The following MLLT3 variants were observed in gnomAD, a reference collection of about 807,000 sequenced individuals.
MLLT3 encodes protein AF-9.
MLLT3 carries 4 observed loss-of-function variants against 53.2 expected under a neutral mutation model. That is an observed-to-expected ratio of 0.08 (90% CI 0.04 to 0.17). The LOEUF is 0.17. MLLT3 is among the 10% of genes least tolerant of loss of function. MLLT3 has a pLI of 1.00. For missense variants in MLLT3, 569 were observed against 684.0 expected, an observed-to-expected ratio of 0.83 and a Z score of 1.87; for synonymous variants, 283 against 230.6, an observed-to-expected ratio of 1.23 and a Z score of -2.06.
chr9:20,510,623 A>G (rs1825511080), intron 2 of MLLT3, among the ~76,000 whole-genome samples: 1 of 151,876 alleles, frequency 6.6e-6, no homozygotes, highest in South Asian at 2.1e-4. Context: ...GAAAAAAAAA[A>G]AAAAAAAAAA....
chr9:20,390,241 G>C (rs1180807784), intron 5 of MLLT3, among the ~76,000 whole-genome samples: 1 of 152,120 alleles, frequency 6.6e-6, no homozygotes, highest in African/African-American at 2.4e-5. Context: ...TTTAAATAGA[G>C]ATCTTAAAAG....
chr9:20,429,168 GACCA>G (rs1823205335), intron 4 of MLLT3, among the ~76,000 whole-genome samples: 1 of 152,122 alleles, frequency 6.6e-6, no homozygotes, highest in Non-Finnish European at 1.5e-5. Context: ...AGAAGTTCAA[GACCA>G]GCCTGGGCAA....
intron 3 of MLLT3, among the ~76,000 whole-genome samples, chr9:20,450,193 T>G (rs1823805380): frequency 6.6e-6 from 1 of 152,194 alleles, no homozygotes; most frequent in African/African-American, 2.4e-5. Context: ...TACAGTCAAA[T>G]TTTCTCTAAG....
intron 2 of MLLT3, among the ~76,000 whole-genome samples, chr9:20,595,318 C>G (rs1291635): frequency 0.79 from 120,477 of 152,010 alleles, 47,929 homozygotes; most frequent in Middle Eastern, 0.89. Context: ...AGTGAATCGT[C>G]TTCATACATA....
chr9:20,358,904 C>A (rs1289393921), intron 8 of MLLT3, among the ~76,000 whole-genome samples: 1 of 151,918 alleles, frequency 6.6e-6, no homozygotes, highest in African/African-American at 2.4e-5. Context: ...TGCCTGTAAT[C>A]CCAGCACTTT....
intron 2 of MLLT3, among the ~76,000 whole-genome samples, chr9:20,513,877 T>A (rs143083293): frequency 1.2e-3 from 188 of 152,378 alleles, no homozygotes; most frequent in African/African-American, 4.4e-3. Flanking sequence ...GTAATTCACA[T>A]CTTGGTGCCT....
rs1824536763 is a variant in MLLT3 at position 20,476,969 on chromosome 9, C to G, written c.194-20183G>C. Among the ~76,000 whole-genome samples, 5 of 151,198 alleles carry G rather than the reference C, an allele frequency of 3.3e-5. No homozygotes were observed. In the South Asian group the frequency reaches 1.0e-3, roughly 31 times the overall value. On this transcript the variant is annotated intron_variant, in intron 2 of 10. Coordinates refer to ENST00000380338, the MANE Select transcript of MLLT3 (RefSeq NM_004529.4). ...AAGGCCAGGCTTTAAAACCTATGGTCTTTTGTTTTTTCCACCATGCTATAA... is the reference window on the plus strand; with the variant it reads ...AAGGCCAGGCTTTAAAACCTATGGTGTTTTGTTTTTTCCACCATGCTATAA...
chr9:20,579,804 G>C (rs2131172980), intron 2 of MLLT3, among the ~76,000 whole-genome samples: 1 of 152,264 alleles, frequency 6.6e-6, no homozygotes, highest in African/African-American at 2.4e-5. Flanking sequence ...ATAAAGGTGA[G>C]GCCTCCAGCC....
In MLLT3 at chr9:20,343,343, T is replaced by G. The variant is rs375436377; in HGVS notation, c.*3100A>C. The G allele has an allele frequency of 9.5e-6, 2 of 209,774 alleles. No homozygotes were observed. Among genetic ancestry groups the G allele is most frequent in the Admixed American group, 5.9e-5 (1 of 16,948 alleles). The allele number at this position is 209,774 out of a possible 1,614,324, so 13.0% of individuals were successfully genotyped here. On this transcript the variant is annotated 3_prime_UTR_variant, in exon 11 of 11. Transcript: ENST00000380338. ...ATGTTTAAGACACTCTCTTAAGAGA[T>G]ATTTTTTTCCTGATCTGAAGTTTTT... is the stretch of plus-strand genomic sequence containing the variant.
At chr9:20,485,159 T>C (rs1166046610) in intron 2 of MLLT3, among the ~76,000 whole-genome samples, 1 of 152,036 alleles carries the variant, frequency 6.6e-6, no homozygotes, top group Non-Finnish European at 1.5e-5. Flanking sequence ...CAGCTAATTT[T>C]TGTATTTTCA....
intron 2 of MLLT3, among the ~76,000 whole-genome samples, chr9:20,519,955 C>A (rs1352061955): frequency 1.3e-5 from 2 of 152,144 alleles, no homozygotes; most frequent in African/African-American, 4.8e-5. Flanking sequence ...CCTAAATGCC[C>A]ATCTATGGTA....
chr9:20,589,583 A>G (rs906336019), intron 2 of MLLT3, among the ~76,000 whole-genome samples: 1 of 61,758 alleles, frequency 1.6e-5, no homozygotes, highest in African/African-American at 5.3e-5. Flanking sequence ...TTAAAGTATA[A>G]TAATAAAAAA....
intron 4 of MLLT3, among the ~76,000 whole-genome samples, chr9:20,433,001 T>C (rs1231244668): frequency 6.6e-6 from 1 of 152,088 alleles, no homozygotes; most frequent in Non-Finnish European, 1.5e-5. Flanking sequence ...AAATATATTA[T>C]AGTCCCCATC....
At chr9:20,366,881 T>A (rs759575875) in intron 5 of MLLT3, among the ~76,000 whole-genome samples, 2 of 152,256 alleles carry the variant, frequency 1.3e-5, no homozygotes, top group Non-Finnish European at 2.9e-5. Context: ...ATACCTTGAT[T>A]ACCCTTTCTG....
rs908033038 is a variant in MLLT3, at chr9:20,344,830, T to C, written c.*1613A>G. 5.2e-5 allele frequency: 11 copies of C among 210,260 alleles called. No individual in the cohort carries two copies. The highest frequency in any genetic ancestry group is 2.5e-4 in the African/African-American group (11 of 44,132). The allele number at this position is 210,260 out of a possible 1,614,324, so 13.0% of individuals were successfully genotyped here. On this transcript the variant is annotated 3_prime_UTR_variant, in exon 11 of 11. Coordinates refer to ENST00000380338, the MANE Select transcript of MLLT3 (RefSeq NM_004529.4). ...TTCTGTACAGACACTAGTTAATCTC[T>C]GTATGAAAAGACAGCATCTGGCATG...
chr9:20,430,696 T>C (rs1223147189), intron 4 of MLLT3, among the ~76,000 whole-genome samples: 1 of 152,120 alleles, frequency 6.6e-6, no homozygotes, highest in Non-Finnish European at 1.5e-5. Flanking sequence ...GACCTTGGTA[T>C]AGGAGAATAT....
intron 5 of MLLT3, among the ~76,000 whole-genome samples, chr9:20,387,056 A>G (rs552536620): frequency 2.4e-4 from 37 of 152,326 alleles, no homozygotes; most frequent in African/African-American, 8.9e-4. Flanking sequence ...AAAGATGAGG[A>G]CAGAAAATAC....
Position 20,620,848 on chromosome 9 carries a change from G to C in MLLT3, c.13-14C>G. Reference sequence around the variant, plus strand: ...CTGCACGGCACACTGCGGGCAGGGGGAGGAGAGACAGCCGTGAATAACAGG... The same window carrying C: ...CTGCACGGCACACTGCGGGCAGGGGCAGGAGAGACAGCCGTGAATAACAGG... On this transcript the variant is annotated splice_polypyrimidine_tract_variant and intron_variant, in intron 1 of 10. Coordinates refer to ENST00000380338, the MANE Select transcript of MLLT3 (RefSeq NM_004529.4). This position sits in a 1 kb window ranked among gnomAD's most constrained non-coding sequence, Gnocchi z 6.1. 6.2e-7 allele frequency: 1 copy of C among 1,613,998 alleles called. No homozygotes were observed. The highest frequency in any genetic ancestry group is 8.5e-7 in the Non-Finnish European group (1 of 1,179,970).
At chr9:20,434,202 T>C (rs1469684750) in intron 4 of MLLT3, among the ~76,000 whole-genome samples, 3 of 152,108 alleles carry the variant, frequency 2.0e-5, no homozygotes, top group Non-Finnish European at 4.4e-5. Context: ...GATAACAAGT[T>C]AATAATGTAT....
Sources: allele counts gnomAD v4.1 joint callset (sites outside exome capture counted in the v4.1 genomes callset), GRCh38; gene constraint gnomAD v4.1.1; non-coding constraint Gnocchi (gnomAD v3.1); transcripts MANE v1.5; gene names NCBI Gene and HGNC (gene_info 2026-07-23, HGNC 2026-07-21).